GRM8: variants seen among roughly 807,000 people sequenced by gnomAD.
The protein encoded by GRM8 is glutamate metabotropic receptor 8.
Under a neutral mutation model 87.2 loss-of-function variants are expected in GRM8, and 47 were observed. The observed-to-expected ratio is 0.54, with a 90% CI of 0.43 to 0.69. The LOEUF is 0.69. GRM8 is among the 30% of genes least tolerant of loss of function. GRM8 has a pLI of 0.00. For missense variants in GRM8, 1,019 were observed against 1,139.2 expected (o/e 0.89, Z 1.52); for synonymous variants, 396 against 404.5 (o/e 0.98, Z 0.25).
intron 2 of GRM8, among the ~76,000 whole-genome samples, chr7:127,154,951 T>C (rs543096997): frequency 6.6e-5 from 10 of 152,278 alleles, no homozygotes; most frequent in African/African-American, 2.4e-4. Context: ...AGACTGTTCA[T>C]TCTCCAAATT....
At chr7:126,789,532 G>T (rs900700357) in intron 6 of GRM8, among the ~76,000 whole-genome samples, 2 of 152,074 alleles carry the variant, frequency 1.3e-5, no homozygotes, top group African/African-American at 4.8e-5. Flanking sequence ...TTCCACAGCC[G>T]CTAATTTATT....
At chr7:126,490,901 G>A (rs1398982516) in intron 9 of GRM8, among the ~76,000 whole-genome samples, 1 of 152,072 alleles carries the variant, frequency 6.6e-6, no homozygotes, top group Non-Finnish European at 1.5e-5. Flanking sequence ...AAGAGGTTAA[G>A]TAATATGTCC....
chr7:126,615,943 A>G (rs1799443115), intron 7 of GRM8, among the ~76,000 whole-genome samples: 2 of 152,130 alleles, frequency 1.3e-5, no homozygotes, highest in Non-Finnish European at 2.9e-5. Context: ...TTAACACCCC[A>G]CTGTCAACAT....
rs1798685070 is a variant in GRM8, at chr7:126,609,399, T to C, written c.1457A>G (p.Lys486Arg). 3 of 1,613,614 alleles carry C rather than the reference T, an allele frequency of 1.9e-6. No homozygotes were observed. The highest frequency in any genetic ancestry group is 1.7e-5 in the Admixed American group (1 of 60,004). The stretch of plus-strand genomic sequence containing the variant: ...CTGATTGGTCCAGTGGCCGATGACT[T>C]TGTACTCTGTGCTTTTGTTGGTTAT... ...YQITNKSTEY[K>R]VIGHWTNQLH... The change falls in exon 8 of 11, where the codon AAA becomes AGA. Residue 486 changes from lysine to arginine, a missense_variant. By Grantham distance (26) the Lys-to-Arg change is conservative. Coordinates refer to ENST00000339582, the MANE Select transcript of GRM8 (RefSeq NM_000845.3).
At chr7:126,946,365 T>C (rs1477565900) in intron 3 of GRM8, among the ~76,000 whole-genome samples, 1 of 152,086 alleles carries the variant, frequency 6.6e-6, no homozygotes, top group Non-Finnish European at 1.5e-5. Context: ...TGTAGCCCAG[T>C]GTGGTGCCAC....
intron 7 of GRM8, among the ~76,000 whole-genome samples, chr7:126,628,912 A>G (rs1250366042): frequency 6.6e-6 from 1 of 152,066 alleles, no homozygotes; most frequent in Non-Finnish European, 1.5e-5. Flanking sequence ...AAAGCAGAAG[A>G]GGGAGGAGGA....
At chr7:127,065,252 G>T (rs781503271) in intron 3 of GRM8, among the ~76,000 whole-genome samples, 1 of 152,148 alleles carries the variant, frequency 6.6e-6, no homozygotes, top group Non-Finnish European at 1.5e-5. Flanking sequence ...TTATCCTTAG[G>T]CAAACTGATG....
intron 3 of GRM8, among the ~76,000 whole-genome samples, chr7:126,948,884 C>A (rs1191345857): frequency 6.6e-6 from 1 of 152,174 alleles, no homozygotes; most frequent in African/African-American, 2.4e-5. Flanking sequence ...CCCCAGAGAC[C>A]CACAGTAAGA....
chr7:127,107,672 A>G lies in GRM8; in HGVS notation c.511-960T>C, dbSNP rs1171034781. Among the ~76,000 whole-genome samples, 3 of 152,328 alleles carry G rather than the reference A, an allele frequency of 2.0e-5. No individual in the cohort carries two copies. The South Asian group carries it at 6.2e-4, about 32-fold the overall frequency. ...TGCTCAAAGAGGATGTCGGAGTTGC[A>G]GTTCCATCTTTCCCCACAGGGCTGC... is the stretch of plus-strand genomic sequence containing the variant. On this transcript the variant is annotated intron_variant, in intron 2 of 10. Transcript: ENST00000339582.
At chr7:126,638,702 T>C (rs728602) in intron 7 of GRM8, among the ~76,000 whole-genome samples, 46,833 of 152,100 alleles carry the variant, frequency 0.31, 8,087 homozygotes, top group East Asian at 0.43. Flanking sequence ...CATTCGCCTG[T>C]GATGTAACTT....
At chr7:126,697,358 A>G (rs1192702461) in intron 7 of GRM8, among the ~76,000 whole-genome samples, 2 of 152,134 alleles carry the variant, frequency 1.3e-5, no homozygotes, top group Non-Finnish European at 2.9e-5. Flanking sequence ...TTTGTATTAT[A>G]TACTAGAAAC....
At chr7:127,167,669 C>T (rs1015267616) in intron 2 of GRM8, among the ~76,000 whole-genome samples, 1 of 152,050 alleles carries the variant, frequency 6.6e-6, no homozygotes, top group African/African-American at 2.4e-5. Flanking sequence ...GAACTGTGCC[C>T]ATATAAAATG....
intron 6 of GRM8, among the ~76,000 whole-genome samples, chr7:126,832,071 T>A (rs1367993187): frequency 6.6e-6 from 1 of 151,626 alleles, no homozygotes; most frequent in Admixed American, 6.6e-5. Flanking sequence ...GTGTACCTAC[T>A]ATGTGCCAAA....
At chr7:126,806,058 G>C (rs561650348) in intron 6 of GRM8, among the ~76,000 whole-genome samples, 1 of 152,308 alleles carries the variant, frequency 6.6e-6, no homozygotes, top group South Asian at 2.1e-4. Flanking sequence ...GAATTGGTGG[G>C]TTCTTGGTCT....
intron 7 of GRM8, among the ~76,000 whole-genome samples, chr7:126,612,011 C>T (rs535793589): frequency 7.9e-5 from 12 of 152,200 alleles, no homozygotes; most frequent in South Asian, 2.1e-4. Context: ...TGGGTTCAAA[C>T]GCCCCTCTGT....
At chr7:126,918,849 G>T (rs1347569063) in intron 3 of GRM8, among the ~76,000 whole-genome samples, 1 of 152,052 alleles carries the variant, frequency 6.6e-6, no homozygotes, top group Non-Finnish European at 1.5e-5. Context: ...AGAAAAGAAC[G>T]TTAAGCTTTC....
chr7:126,806,453 T>C (rs905540031), intron 6 of GRM8, among the ~76,000 whole-genome samples: 1 of 152,210 alleles, frequency 6.6e-6, no homozygotes, highest in South Asian at 2.1e-4. Flanking sequence ...CCGAGTGCAT[T>C]GTGGCTGCTT....
intron 6 of GRM8, among the ~76,000 whole-genome samples, chr7:126,777,051 CA>C (rs1194911106): frequency 6.6e-6 from 1 of 152,234 alleles, no homozygotes; most frequent in African/African-American, 2.4e-5. Flanking sequence ...TACCAAATGT[CA>C]ACCTGGATTA....
chr7:126,511,093 C>A (rs1811306213), intron 9 of GRM8: 1 of 152,090 alleles, frequency 6.6e-6, no homozygotes, highest in Non-Finnish European at 1.5e-5. Flanking sequence ...TTTTCTTTTT[C>A]TCTATGGAGA....
Sources: gnomAD v4.1 joint callset for allele counts (sites outside exome capture counted in the v4.1 genomes callset) on GRCh38, gnomAD v4.1.1 for gene constraint, MANE v1.5 for transcripts, NCBI Gene and HGNC (gene_info 2026-07-23, HGNC 2026-07-21) for gene names.